COMMD10: variants seen among roughly 807,000 people sequenced by gnomAD.
COMMD10 encodes COMM domain containing 10.
COMMD10 carries 33 observed loss-of-function variants against 28.9 expected under a neutral mutation model. That is an observed-to-expected ratio of 1.14 (90% CI 0.87 to 1.53). The LOEUF (loss-of-function observed/expected upper bound fraction) is 1.53. COMMD10 is among the 40% of genes most tolerant of loss of function. The pLI, the probability that COMMD10 is intolerant of heterozygous loss-of-function variation, is 0.00. For synonymous variants in COMMD10, 110 were observed against 81.7 expected, an observed-to-expected ratio of 1.35 and a Z score of -1.87; for missense variants, 310 against 233.4, an observed-to-expected ratio of 1.33 and a Z score of -2.14.
At chr5:116,257,071 AT>A (rs1003088428) in intron 5 of COMMD10, among the ~76,000 whole-genome samples, 4 of 151,552 alleles carry the variant, frequency 2.6e-5, no homozygotes, top group Non-Finnish European at 5.9e-5. Flanking sequence ...TCTGTATTTT[AT>A]TTTTTTTAGG....
intron 5 of COMMD10, among the ~76,000 whole-genome samples, chr5:116,177,605 C>G (rs1753558936): frequency 6.6e-6 from 1 of 151,696 alleles, no homozygotes; most frequent in Non-Finnish European, 1.5e-5. Context: ...TTTCATCCCA[C>G]TTTCCCATAG....
At chr5:116,186,010 C>T (rs1460164848) in intron 5 of COMMD10, among the ~76,000 whole-genome samples, 4 of 152,142 alleles carry the variant, frequency 2.6e-5, no homozygotes, top group Admixed American at 6.6e-5. Flanking sequence ...TAATGGTTAC[C>T]TATGATTTCC....
intron 4 of COMMD10, among the ~76,000 whole-genome samples, chr5:116,112,437 G>A (rs946165622): frequency 7.3e-5 from 11 of 151,474 alleles, no homozygotes; most frequent in African/African-American, 1.7e-4. Flanking sequence ...GCGTGCTGTC[G>A]CCAAGCTGGA....
chr5:116,135,823 C>G (rs1464173533), intron 5 of COMMD10, among the ~76,000 whole-genome samples: 1 of 152,118 alleles, frequency 6.6e-6, no homozygotes, highest in Non-Finnish European at 1.5e-5. Flanking sequence ...GAATGCATCC[C>G]CCCACAGTGG....
In COMMD10 at chr5:116,129,772, A is replaced by T. The variant is rs564797793; in HGVS notation, c.400-4296A>T. 2.1e-3 allele frequency among the ~76,000 whole-genome samples: 197 copies of T among 93,460 alleles called. 11 individuals carry two copies. The highest frequency in any genetic ancestry group is 5.3e-3 in the African/African-American group (187 of 35,220). The allele number at this position is 93,460 out of a possible 152,430, so 61.3% of individuals were successfully genotyped here. A position where few individuals can be genotyped will look rare whatever the true frequency, so the allele number is the denominator to read the frequency against. ...ATATATATACTATATACTATATAAT[A>T]TACATTAGTATATATATACTATATA... is the stretch of plus-strand genomic sequence containing the variant. On this transcript the variant is annotated intron_variant, in intron 4 of 6. Transcript: ENST00000274458.
intron 4 of COMMD10, among the ~76,000 whole-genome samples, chr5:116,101,205 G>A (rs765005359): frequency 7.9e-5 from 12 of 152,098 alleles, no homozygotes; most frequent in Non-Finnish European, 1.5e-4. Flanking sequence ...TGATAAACAG[G>A]AGTGCAAGTA....
At chr5:116,114,596 C>T (rs918187110) in intron 4 of COMMD10, among the ~76,000 whole-genome samples, 1 of 152,152 alleles carries the variant, frequency 6.6e-6, no homozygotes, top group Non-Finnish European at 1.5e-5. Context: ...GAGAGTAGGG[C>T]AAAGCTGGGT....
intron 5 of COMMD10, among the ~76,000 whole-genome samples, chr5:116,248,156 A>AT (rs1417553030): frequency 6.6e-6 from 1 of 151,528 alleles, no homozygotes; most frequent in Non-Finnish European, 1.5e-5. Context: ...ATAACTGAGC[A>AT]TTTTTCTTTA....
At chr5:116,096,114 G>A (rs1162329081) in intron 4 of COMMD10, among the ~76,000 whole-genome samples, 1 of 151,834 alleles carries the variant, frequency 6.6e-6, no homozygotes, top group Non-Finnish European at 1.5e-5. Context: ...TCATATGTTT[G>A]AAAATCAGCT....
chr5:116,127,794 G>A (rs1028848291), intron 4 of COMMD10, among the ~76,000 whole-genome samples: 15 of 152,126 alleles, frequency 9.9e-5, no homozygotes, highest in African/African-American at 2.4e-4. Context: ...GGGGAAGGAG[G>A]AGGGATAGCA....
intron 5 of COMMD10, among the ~76,000 whole-genome samples, chr5:116,209,539 G>A (rs1055378116): frequency 1.3e-5 from 2 of 152,054 alleles, no homozygotes; most frequent in Non-Finnish European, 2.9e-5. Flanking sequence ...AGCATTAAAA[G>A]GACGTATTTG....
rs548325734 is a variant in COMMD10, at chr5:116,213,000, A to G, written c.511-78517A>G. ...TTTTGTCTCTGTAAATTACACAATG[A>G]TAGGAAGTTAATATGTTAGGGATTT... On this transcript the variant is annotated intron_variant, in intron 5 of 6. Transcript: ENST00000274458. Among the ~76,000 whole-genome samples the G allele has an allele frequency of 2.6e-5, 4 of 152,194 alleles. No individual in the cohort carries two copies. The South Asian group carries it at 6.2e-4, about 24-fold the overall frequency.
chr5:116,161,267 A>G (rs1580504950), intron 5 of COMMD10, among the ~76,000 whole-genome samples: 1 of 152,064 alleles, frequency 6.6e-6, no homozygotes. Context: ...TAAAATGGGG[A>G]TGTGAATGCT....
intron 4 of COMMD10, among the ~76,000 whole-genome samples, chr5:116,123,032 GAA>G (rs1371407194): frequency 6.6e-6 from 1 of 152,154 alleles, no homozygotes; most frequent in Non-Finnish European, 1.5e-5. Flanking sequence ...GGAGTGGTGA[GAA>G]AGGGCATCCC....
At chr5:116,134,451 A>G (rs942096129) in intron 5 of COMMD10, among the ~76,000 whole-genome samples, 1 of 152,146 alleles carries the variant, frequency 6.6e-6, no homozygotes, top group Middle Eastern at 3.2e-3. Flanking sequence ...GTATTTGCAG[A>G]TATTCCTGAG....
chr5:116,108,254 T>C (rs1750910772), intron 4 of COMMD10, among the ~76,000 whole-genome samples: 1 of 152,228 alleles, frequency 6.6e-6, no homozygotes, highest in Admixed American at 6.5e-5. Flanking sequence ...GGCGTTTAAG[T>C]CTGCTGAAGC....
intron 5 of COMMD10, among the ~76,000 whole-genome samples, chr5:116,260,151 G>T (rs7731011): frequency 0.98 from 148,497 of 151,840 alleles, 72,764 homozygotes; most frequent in East Asian, 1. Context: ...AAGTAAAATG[G>T]AAAAATACAG....
chr5:116,253,904 T>C (rs983156992), intron 5 of COMMD10, among the ~76,000 whole-genome samples: 1 of 151,530 alleles, frequency 6.6e-6, no homozygotes, highest in African/African-American at 2.4e-5. Flanking sequence ...CTGGTAGAAT[T>C]CGGCTGTGAA....
chr5:116,181,125 C>G (rs563183620), intron 5 of COMMD10, among the ~76,000 whole-genome samples: 1 of 152,148 alleles, frequency 6.6e-6, no homozygotes, highest in Non-Finnish European at 1.5e-5. Context: ...GCCTGGGCGA[C>G]AGAGTGAGAC....
Sources: gnomAD v4.1 joint callset for allele counts (sites outside exome capture counted in the v4.1 genomes callset) on GRCh38, gnomAD v4.1.1 for gene constraint, MANE v1.5 for transcripts, NCBI Gene and HGNC (gene_info 2026-07-23, HGNC 2026-07-21) for gene names.